Variants in JAM3 observed in about 807,000 individuals in gnomAD.
The protein encoded by JAM3 is junctional adhesion molecule 3, also known as junctional adhesion molecule C.
In JAM3, 31 loss-of-function variants were observed where a neutral mutation model predicts 39.4. The observed-to-expected ratio is 0.79, with a 90% CI of 0.59 to 1.06. The LOEUF is 1.06. Among genes scored for constraint, JAM3 ranks in the 50% least tolerant of loss-of-function variants. The probability of loss-of-function intolerance (pLI) is 0.00; values close to 1 mark genes in which losing one functional copy is unlikely to be tolerated. For synonymous variants in JAM3, 182 were observed against 148.7 expected, an observed-to-expected ratio of 1.22 and a Z score of -1.63; for missense variants, 455 against 391.4, an observed-to-expected ratio of 1.16 and a Z score of -1.37.
At chr11:134,142,365 T>C (rs748464629) in intron 3 of JAM3, among the ~76,000 whole-genome samples, 5 of 152,142 alleles carry the variant, frequency 3.3e-5, no homozygotes, top group East Asian at 3.9e-4. Context: ...CCTCCACTAA[T>C]GGGTGGGTGT....
At chr11:134,119,447 C>T (rs945580343) in intron 1 of JAM3, among the ~76,000 whole-genome samples, 1 of 152,124 alleles carries the variant, frequency 6.6e-6, no homozygotes, top group Non-Finnish European at 1.5e-5. Context: ...TAAGAAGTGC[C>T]ATTGCCAGAG....
At chr11:134,076,833 CTTTTTTT>C (rs71038556) in intron 1 of JAM3, among the ~76,000 whole-genome samples, 93 of 118,522 alleles carry the variant, frequency 7.8e-4, no homozygotes, top group Admixed American at 2.1e-3. Flanking sequence ...ACATCTATTG[CTTTTTTT>C]TTTTTTTTTT....
intron 1 of JAM3, among the ~76,000 whole-genome samples, chr11:134,099,322 G>A (rs1942035036): frequency 6.6e-6 from 1 of 152,178 alleles, no homozygotes; most frequent in Non-Finnish European, 1.5e-5. Context: ...GGCAGGCCCA[G>A]GAACAGATTT....
chr11:134,134,423 C>T (rs74667728), intron 1 of JAM3, among the ~76,000 whole-genome samples: 1 of 52,270 alleles, frequency 1.9e-5, no homozygotes, highest in East Asian at 6.1e-4. Flanking sequence ...AAAAAAAAAA[C>T]ATCTAGGCAT....
rs552708784 is a variant in JAM3 at position 134,150,619 on chromosome 11, C to A, written c.*1438C>A. ...CCTCTTTTTGGTTATGGATGGCTCA[C>A]AAAATAGGGCCCCCAATGCTATTTT... On this transcript the variant is annotated 3_prime_UTR_variant, in exon 9 of 9. Coordinates refer to ENST00000299106, the MANE Select transcript of JAM3 (RefSeq NM_032801.5). 1 of 151,908 alleles carries A rather than the reference C, an allele frequency of 6.6e-6. No individual in the cohort carries two copies. Among genetic ancestry groups the A allele is most frequent in the Non-Finnish European group, 1.5e-5 (1 of 67,994 alleles). The allele number at this position is 151,908 out of a possible 1,614,324, so 9.4% of individuals were successfully genotyped here. A position where few individuals can be genotyped will look rare whatever the true frequency, so the allele number is the denominator to read the frequency against.
intron 1 of JAM3, among the ~76,000 whole-genome samples, chr11:134,105,043 G>C (rs1194909647): frequency 2.0e-5 from 3 of 151,908 alleles, no homozygotes; most frequent in Non-Finnish European, 4.4e-5. Flanking sequence ...GCCTGGCAGA[G>C]ACACAAAAAA....
intron 1 of JAM3, among the ~76,000 whole-genome samples, chr11:134,095,752 A>G (rs1258655166): frequency 1.3e-5 from 2 of 152,346 alleles, no homozygotes; most frequent in Admixed American, 6.5e-5. Context: ...AACTTGCTAC[A>G]TGACCACTTA....
intron 6 of JAM3, among the ~76,000 whole-genome samples, chr11:134,146,330 A>G (rs1459012609): frequency 2.6e-5 from 4 of 152,178 alleles, no homozygotes; most frequent in Non-Finnish European, 5.9e-5. Flanking sequence ...ATTCTTTGGT[A>G]ATTGATAGAA....
At chr11:134,139,117 A>G (rs980897288) in intron 1 of JAM3, among the ~76,000 whole-genome samples, 1 of 152,222 alleles carries the variant, frequency 6.6e-6, no homozygotes, top group African/African-American at 2.4e-5. Context: ...TCTCTCCAAG[A>G]TTAGTTGAGA....
intron 1 of JAM3, among the ~76,000 whole-genome samples, chr11:134,094,504 A>C (rs942913262): frequency 8.4e-6 from 1 of 119,414 alleles, no homozygotes; most frequent in Admixed American, 8.7e-5. Context: ...CTTCTCCTGA[A>C]CCCTCCTTAT....
chr11:134,128,919 C>T (rs1286391978), intron 1 of JAM3, among the ~76,000 whole-genome samples: 1 of 152,036 alleles, frequency 6.6e-6, no homozygotes, highest in Non-Finnish European at 1.5e-5. Flanking sequence ...TAGGAGTTGC[C>T]TAACAAAATA....
At chr11:134,123,597 T>G (rs1358098674) in intron 1 of JAM3, among the ~76,000 whole-genome samples, 3 of 152,248 alleles carry the variant, frequency 2.0e-5, no homozygotes, top group African/African-American at 7.2e-5. Context: ...AAATCATCCT[T>G]CACTGAATTA....
intron 1 of JAM3, among the ~76,000 whole-genome samples, chr11:134,128,218 A>G (rs1462619507): frequency 4.6e-5 from 7 of 151,424 alleles, no homozygotes; most frequent in Non-Finnish European, 1.5e-5. Flanking sequence ...TGGGGATGCC[A>G]TTCCATGTGG....
rs55689702 is a variant in JAM3, at chr11:134,149,217, G to A, written c.*36G>A. The A allele has an allele frequency of 4.3e-6, 7 of 1,613,284 alleles. No individual in the cohort carries two copies. The highest frequency in any genetic ancestry group is 4.5e-5 in the East Asian group (2 of 44,888). On this transcript the variant is annotated 3_prime_UTR_variant, in exon 9 of 9. Transcript: ENST00000299106. ...GTGGCTGAGAGCGCACAGAGCGCAC[G>A]TGCACATACCTCTGCTAGAAACTCC...
At chr11:134,069,243 C>T in intron 1 of JAM3, 84 bp downstream of exon 1, 4 of 1,533,212 alleles carry the variant, frequency 2.6e-6, no homozygotes, top group Admixed American at 1.9e-5. Flanking sequence ...GGAGCCGGTC[C>T]GGGCGAGGAT....
chr11:134,069,505 C>T (rs1418269328), intron 1 of JAM3, among the ~76,000 whole-genome samples: 2 of 151,476 alleles, frequency 1.3e-5, no homozygotes. Flanking sequence ...GTGGGCTCAT[C>T]CCCCGGGTGG....
At chr11:134,115,913 A>T (rs1360942467) in intron 1 of JAM3, among the ~76,000 whole-genome samples, 5 of 152,206 alleles carry the variant, frequency 3.3e-5, no homozygotes. Flanking sequence ...AATAAATAAA[A>T]AATTGGAGGA....
chr11:134,110,234 G>C (rs561748159), intron 1 of JAM3, among the ~76,000 whole-genome samples: 60 of 152,210 alleles, frequency 3.9e-4, no homozygotes, highest in Non-Finnish European at 6.9e-4. Context: ...AAAATGGTAA[G>C]ACCAATTTGG....
chr11:134,127,181 G>A (rs1340784751), intron 1 of JAM3, among the ~76,000 whole-genome samples: 1 of 152,206 alleles, frequency 6.6e-6, no homozygotes, highest in African/African-American at 2.4e-5. Context: ...ACAGCTTGAA[G>A]TGCTGGCTCC....
Sources: gnomAD v4.1 joint callset for allele counts (sites outside exome capture counted in the v4.1 genomes callset) on GRCh38, gnomAD v4.1.1 for gene constraint, MANE v1.5 for transcripts, NCBI Gene and HGNC (gene_info 2026-07-23, HGNC 2026-07-21) for gene names.